Variants in FYCO1 observed in about 807,000 individuals in gnomAD.
FYCO1 encodes FYVE and coiled-coil domain autophagy adaptor 1.
FYCO1 carries 122 observed loss-of-function variants against 165.1 expected under a neutral mutation model. The observed-to-expected ratio is 0.74, with a 90% confidence interval of 0.64 to 0.86. The LOEUF (loss-of-function observed/expected upper bound fraction) is 0.86, where lower values mean the gene tolerates loss of function less well. Among genes scored for constraint, FYCO1 ranks in the 40% least tolerant of loss-of-function variants. FYCO1 has a pLI of 0.00. For missense variants in FYCO1, 1,702 were observed against 1,810.3 expected (o/e 0.94, Z 1.09); for synonymous variants, 648 against 742.5 (o/e 0.87, Z 2.07).
intron 16 of FYCO1, among the ~76,000 whole-genome samples, chr3:45,930,200 C>T (rs6806348): frequency 0.015 from 2,250 of 152,346 alleles, 58 homozygotes; most frequent in African/African-American, 0.05. Flanking sequence ...TTTACCATTT[C>T]TTTCACTCAG....
At chr3:45,926,962 CAA>C (rs35424488) in intron 16 of FYCO1, among the ~76,000 whole-genome samples, 260 of 133,394 alleles carry the variant, frequency 1.9e-3, no homozygotes, top group Admixed American at 2.0e-3. Flanking sequence ...GAAACTGTCT[CAA>C]AAAAAAAAAA....
rs1343686811 is a variant in FYCO1, at chr3:45,966,865, G to T, written c.2469C>A (p.His823Gln). 2 of 1,612,776 alleles carry T rather than the reference G, an allele frequency of 1.2e-6. No homozygotes were observed. Among genetic ancestry groups the T allele is most frequent in the Non-Finnish European group, 1.7e-6 (2 of 1,180,040 alleles). The change falls in exon 8 of 18, where the codon CAC becomes CAA. Residue 823 changes from histidine (H) to glutamine (Q), a missense_variant. By Grantham distance (24) the His-to-Gln change is conservative. Transcript: ENST00000296137. ...LSMAEAVLRE[H>Q]KTLVQQLKEQ... ...CCTTCAGCTGCTGCACAAGGGTTTT[G>T]TGCTCCCTCAGGACGGCCTCAGCCA...
intron 8 of FYCO1, among the ~76,000 whole-genome samples, chr3:45,965,479 T>G (rs1323695394): frequency 6.6e-6 from 1 of 152,160 alleles, no homozygotes; most frequent in Non-Finnish European, 1.5e-5. Flanking sequence ...TGCACAGACC[T>G]TGATGCAGAC....
At chr3:45,961,306 A>G (rs1705685475) in intron 11 of FYCO1, among the ~76,000 whole-genome samples, 1 of 152,230 alleles carries the variant, frequency 6.6e-6, no homozygotes, top group Non-Finnish European at 1.5e-5. Context: ...GGCACCAGGC[A>G]TGGTGGCTCA....
chr3:45,958,301 T>C (rs1406082652), intron 13 of FYCO1, 107 bp downstream of exon 13: 2 of 992,410 alleles, frequency 2.0e-6, no homozygotes, highest in African/African-American at 1.6e-5. Flanking sequence ...AATACCTAAG[T>C]TTAGAAAACA....
At chr3:45,958,385 G>C (rs367944280) in intron 13 of FYCO1, 23 bp downstream of exon 13, 20 of 1,602,980 alleles carry the variant, frequency 1.2e-5, no homozygotes, top group Non-Finnish European at 1.6e-5. Flanking sequence ...GAACATAGTA[G>C]GCAGTAGTAG....
At chr3:45,943,158 C>A (rs1704340003) in intron 14 of FYCO1, among the ~76,000 whole-genome samples, 1 of 152,192 alleles carries the variant, frequency 6.6e-6, no homozygotes, top group African/African-American at 2.4e-5. Context: ...AAAAAGATGT[C>A]TGACTAGTGA....
chr3:45,962,431 C>G lies in FYCO1; in HGVS notation c.3270-39G>C. 1 of 1,596,660 alleles carries G rather than the reference C, an allele frequency of 6.3e-7. No individual in the cohort carries two copies. Among genetic ancestry groups the G allele is most frequent in the Non-Finnish European group, 8.6e-7 (1 of 1,164,506 alleles). ...GGTAAGTTTTCTTGATTAGCCAGGA[C>G]TTCCAGCTTTCCCAGGGCTCTAAGC... On this transcript the variant is annotated intron_variant, in intron 10 of 17. Coordinates refer to ENST00000296137, the MANE Select transcript of FYCO1 (RefSeq NM_024513.4). This position sits in a 1 kb window ranked among gnomAD's most constrained non-coding sequence, Gnocchi z 4.4.
At chr3:45,950,653 C>T (rs1026151042) in intron 14 of FYCO1, among the ~76,000 whole-genome samples, 3 of 152,202 alleles carry the variant, frequency 2.0e-5, no homozygotes, top group Non-Finnish European at 2.9e-5. Context: ...TGTAGAAGGC[C>T]TGGCACTATC....
chr3:45,972,740 A>G (rs1278942028), intron 6 of FYCO1, among the ~76,000 whole-genome samples: 1 of 152,238 alleles, frequency 6.6e-6, no homozygotes, highest in East Asian at 1.9e-4. Flanking sequence ...CCTACTGCTT[A>G]GGAGCCTTCT....
In FYCO1 at chr3:45,968,301, G is replaced by A. The variant is rs1706214251; in HGVS notation, c.1033C>T (p.Gln345Ter). 1 of 1,613,762 alleles carries A rather than the reference G, an allele frequency of 6.2e-7. No individual in the cohort carries two copies. The highest frequency in any genetic ancestry group is 1.3e-5 in the African/African-American group (1 of 74,924). Residue 345 changes from glutamine to a stop codon, truncating the protein, a stop_gained, in exon 8 of 18, where the codon CAG becomes TAG. Coordinates refer to ENST00000296137, the MANE Select transcript of FYCO1 (RefSeq NM_024513.4). LOFTEE classifies it high-confidence loss of function. ...GCCTCAAGCTCCTGTGCCAAGGGCT[G>A]CAGCATGGACTCCAGCCGCCGCAGG... ...TALRRLESML[Q>*]PLAQELEATR...
At chr3:45,930,970 C>T in intron 16 of FYCO1, 101 bp downstream of exon 16, 8 of 1,079,942 alleles carry the variant, frequency 7.4e-6, no homozygotes, top group Non-Finnish European at 1.1e-5. Context: ...TGAGGCCTGC[C>T]CAGCAGAGGA....
chr3:45,930,725 C>T (rs2125797183), intron 16 of FYCO1, among the ~76,000 whole-genome samples: 1 of 152,372 alleles, frequency 6.6e-6, no homozygotes, highest in South Asian at 2.1e-4. Context: ...CCAAGGTGAT[C>T]CATTCCTGCT....
At chr3:45,936,122 A>G (rs1703875039) in intron 15 of FYCO1, among the ~76,000 whole-genome samples, 1 of 152,214 alleles carries the variant, frequency 6.6e-6, no homozygotes, top group African/African-American at 2.4e-5. Context: ...TACTGCTCAT[A>G]CAATAAAAAA....
intron 1 of FYCO1, among the ~76,000 whole-genome samples, chr3:45,992,969 G>T (rs1176349767): frequency 6.6e-6 from 1 of 152,090 alleles, no homozygotes; most frequent in Non-Finnish European, 1.5e-5. Flanking sequence ...CTTTTCTTTT[G>T]TATGCTAAGG....
At chr3:45,950,954 G>C (rs1704979778) in intron 14 of FYCO1, among the ~76,000 whole-genome samples, 1 of 152,152 alleles carries the variant, frequency 6.6e-6, no homozygotes. Flanking sequence ...TCTCCTGGTG[G>C]GTGACAAATC....
At chr3:45,982,151 C>A (rs1043855934) in intron 2 of FYCO1, among the ~76,000 whole-genome samples, 3 of 152,194 alleles carry the variant, frequency 2.0e-5, no homozygotes, top group Non-Finnish European at 4.4e-5. Flanking sequence ...ACAATGACAA[C>A]CGCACCTGCT....
In FYCO1 at chr3:45,931,100, C is replaced by A; in HGVS notation, c.4222G>T (p.Ala1408Ser). The A allele has an allele frequency of 6.2e-7, 1 of 1,613,850 alleles. No homozygotes were observed. The highest frequency in any genetic ancestry group is 1.1e-5 in the South Asian group (1 of 91,066). ...CACTGATCCAGCGGTGTGTCCTCGGCCTCCTGGAAGACCACACTGAAGGAG... is the reference window on the plus strand; with the variant it reads ...CACTGATCCAGCGGTGTGTCCTCGGACTCCTGGAAGACCACACTGAAGGAG... ...SISFSVVFQE[A>S]EDTPLDQCKV... The change falls in exon 16 of 18, where the codon GCC becomes TCC. Residue 1408 changes from alanine (A) to serine (S), a missense_variant. Physicochemically the swap from Ala to Ser is moderately conservative, Grantham distance 99. Coordinates refer to ENST00000296137, the MANE Select transcript of FYCO1 (RefSeq NM_024513.4).
At chr3:45,944,116 C>T (rs1278770019) in intron 14 of FYCO1, among the ~76,000 whole-genome samples, 1 of 152,006 alleles carries the variant, frequency 6.6e-6, no homozygotes, top group Non-Finnish European at 1.5e-5. Context: ...TGTGAGGGCC[C>T]ACAGAATACA....
Sources: allele counts gnomAD v4.1 joint callset (sites outside exome capture counted in the v4.1 genomes callset), GRCh38; gene constraint gnomAD v4.1.1; non-coding constraint Gnocchi (gnomAD v3.1); transcripts MANE v1.5; gene names NCBI Gene and HGNC (gene_info 2026-07-23, HGNC 2026-07-21).